MYB: variants seen among roughly 807,000 people sequenced by gnomAD.
MYB encodes transcriptional activator Myb.
In MYB, 28 loss-of-function variants were observed where a neutral mutation model predicts 92.9. The ratio of observed to expected loss-of-function variants is 0.30; its 90% CI spans 0.22 to 0.41. The LOEUF is 0.41. Ranked by LOEUF, MYB falls within the 10% of genes least tolerant of loss-of-function variation. MYB has a pLI of 1.00. For synonymous variants in MYB, 295 were observed against 329.1 expected (o/e 0.90, Z 1.12); for missense variants, 679 against 929.3 (o/e 0.73, Z 3.50).
chr6:135,194,177 C>T (rs1232822413), intron 7 of MYB, among the ~76,000 whole-genome samples, 179 bp from the exon 8 acceptor site: 1 of 152,156 alleles, frequency 6.6e-6, no homozygotes, highest in African/African-American at 2.4e-5. Flanking sequence ...TCACATCACT[C>T]CCTTAAGTCT....
chr6:135,200,669 A>C, intron 13 of MYB: 1 of 519,132 alleles, frequency 1.9e-6, no homozygotes, highest in South Asian at 2.0e-5. Context: ...AAAGGGAGGG[A>C]AAGAGGTTTT....
intron 14 of MYB, 41 bp downstream of exon 14, chr6:135,201,790 C>A: frequency 8.0e-7 from 1 of 1,256,266 alleles, no homozygotes; most frequent in Non-Finnish European, 1.1e-6. Context: ...TTATGTGACA[C>A]TGGTGCCTCA....
Position 135,190,102 on chromosome 6 carries a change from G to A in MYB, c.307-25G>A. Reference sequence around the variant, plus strand: ...CTCATTACATAACTTTAAAACATAGGTTATTTTTGTGTGTTTATCTGAAGG... The same window carrying A: ...CTCATTACATAACTTTAAAACATAGATTATTTTTGTGTGTTTATCTGAAGG... On this transcript the variant is annotated intron_variant, in intron 4 of 15. Transcript: ENST00000341911. The surrounding 1 kb of genome is among the most constrained non-coding windows in gnomAD (Gnocchi z 4.5). 1.9e-6 allele frequency: 3 copies of A among 1,603,966 alleles called. No homozygotes were observed. The highest frequency in any genetic ancestry group is 2.6e-6 in the Non-Finnish European group (3 of 1,171,390).
intron 9 of MYB, 90 bp downstream of exon 9, chr6:135,196,092 C>G: frequency 2.3e-6 from 3 of 1,297,472 alleles, no homozygotes; most frequent in African/African-American, 1.5e-5. Flanking sequence ...TATAGCCAAG[C>G]TGTTATTAGC....
chr6:135,214,782 T>C (rs547230780), intron 15 of MYB, among the ~76,000 whole-genome samples: 2 of 152,366 alleles, frequency 1.3e-5, no homozygotes, highest in Admixed American at 1.3e-4. Flanking sequence ...ATTTCATGTT[T>C]CGGGAATTTG....
chr6:135,216,918 G>A (rs1780527859), intron 15 of MYB, among the ~76,000 whole-genome samples: 1 of 152,142 alleles, frequency 6.6e-6, no homozygotes, highest in South Asian at 2.1e-4. Flanking sequence ...TCCATTTTCT[G>A]TCTCCATTCT....
In MYB at chr6:135,192,497, C is replaced by A; in HGVS notation, c.701C>A (p.Ala234Asp). 6.2e-7 allele frequency: 1 copy of A among 1,614,250 alleles called. No individual in the cohort carries two copies. The highest frequency in any genetic ancestry group is 8.5e-7 in the Non-Finnish European group (1 of 1,180,046). The part of the protein sequence containing the change: ...AQAPPTAQLP[A>D]TGQPTVNNDY... ...GCTCCGCCTACAGCTCAACTCCCTG[C>A]CACTGGCCAGCCCACTGTTAACAAC... The change falls in exon 6 of 16, where the codon GCC becomes GAC. Residue 234 changes from alanine (A) to aspartate (D), a missense_variant. By Grantham distance (126) the Ala-to-Asp change is moderately radical. Around this residue, in one of 8 missense-constraint regions of MYB, gnomAD observed 32 missense variants for 29.9 expected, o/e 1.07. Coordinates refer to ENST00000341911, the MANE Select transcript of MYB (RefSeq NM_001130173.2).
At position 135,192,472 on chromosome 6, in the gene MYB, G is replaced by A. The variant is rs374588074; in HGVS notation, c.676G>A (p.Ala226Thr). Reference protein sequence around the residue: ...KNSHLMGFAQAPPTAQLPATG... With the variant: ...KNSHLMGFAQTPPTAQLPATG... ...CAGTCATTTGATGGGTTTTGCTCAG[G>A]CTCCGCCTACAGCTCAACTCCCTGC... The change falls in exon 6 of 16, where the codon GCT (alanine) becomes ACT (threonine). Residue 226 changes from alanine (A) to threonine (T), a missense_variant. Physicochemically the swap from Ala to Thr is moderately conservative, Grantham distance 58 (BLOSUM62 0). Coordinates refer to ENST00000341911, the MANE Select transcript of MYB (RefSeq NM_001130173.2). 4 of 1,614,090 alleles carry A rather than the reference G, an allele frequency of 2.5e-6. No individual in the cohort carries two copies. Among genetic ancestry groups the A allele is most frequent in the Non-Finnish European group, 3.4e-6 (4 of 1,180,048 alleles).
chr6:135,202,834 A>G (rs892982506), intron 14 of MYB: 5 of 436,426 alleles, frequency 1.1e-5, no homozygotes, highest in African/African-American at 8.2e-5. Context: ...CCAATAATTT[A>G]TAGCTCTAAA....
intron 6 of MYB, among the ~76,000 whole-genome samples, chr6:135,193,155 T>A (rs1204466748): frequency 1.3e-5 from 2 of 152,186 alleles, no homozygotes; most frequent in South Asian, 2.1e-4. Flanking sequence ...TGGATCAGTG[T>A]GATCCCTTCC....
In MYB at chr6:135,203,250, G is replaced by A. The variant is rs781145531; in HGVS notation, c.2095G>A (p.Ala699Thr). Residue 699 changes from alanine (A) to threonine (T), a missense_variant, in exon 15 of 16, where the codon GCA (alanine) becomes ACA (threonine). Ala to Thr is a moderately conservative substitution (Grantham distance 58). This residue lies in a region of MYB where 402 missense variants were observed against 434.2 expected (regional missense o/e 0.93). Transcript: ENST00000341911. ...TACAAGCTCCGTTTTAATGGCACCA[G>A]CATCAGAAGATGAAGACAATGTTCT... ...ILTSSVLMAP[A>T]SEDEDNVLKA... is the part of the protein sequence containing the mutation. The A allele has an allele frequency of 6.2e-6, 10 of 1,610,644 alleles. No individual in the cohort carries two copies. The East Asian group carries it at 1.1e-4, about 18-fold the overall frequency.
At chr6:135,199,090 T>G in intron 11 of MYB, 40 bp downstream of exon 11, 1 of 1,466,582 alleles carries the variant, frequency 6.8e-7, no homozygotes, top group Non-Finnish European at 9.2e-7. Flanking sequence ...TTATCTTATT[T>G]ACTTATATTT....
At chr6:135,217,822 T>C in intron 15 of MYB, 42 bp from the exon 16 acceptor site, 1 of 1,398,766 alleles carries the variant, frequency 7.1e-7, no homozygotes, top group Non-Finnish European at 1.0e-6. Context: ...TAGAATGAGC[T>C]TCTTTGTCTG....
At position 135,181,986 on chromosome 6, in the gene MYB, G is replaced by C. The variant is rs535996629; in HGVS notation, c.23+450G>C. Among the ~76,000 whole-genome samples the C allele has an allele frequency of 2.6e-5, 4 of 152,316 alleles. No individual in the cohort carries two copies. The East Asian group carries it at 7.7e-4, about 29-fold the overall frequency. On this transcript the variant is annotated intron_variant, in intron 1 of 15. Transcript: ENST00000341911. This position sits in a 1 kb window ranked among gnomAD's most constrained non-coding sequence, Gnocchi z 5.3. ...TATGGCAGATACAGGGAAAATGCTG[G>C]ATTGTTTAGTAGCTGCAGGTAGTTC...
Position 135,197,072 on chromosome 6 carries a change from A to G in MYB, c.1315A>G (p.Asn439Asp). ...CCTACAGCTTCAGCAAAGAGAGGGCAATGGGACTAAACCTGCAGGAGAACC... is the reference window on the plus strand; with the variant it reads ...CCTACAGCTTCAGCAAAGAGAGGGCGATGGGACTAAACCTGCAGGAGAACC... ...KALQLQQREG[N>D]GTKPAGEPSP... Residue 439 changes from asparagine to aspartate, a missense_variant, in exon 10 of 16, where the codon AAT (asparagine) becomes GAT (aspartate). Asn to Asp is a conservative substitution (Grantham distance 23). Around this residue, in one of 8 missense-constraint regions of MYB, gnomAD observed 402 missense variants for 434.2 expected, o/e 0.93. Coordinates refer to ENST00000341911, the MANE Select transcript of MYB (RefSeq NM_001130173.2). The G allele has an allele frequency of 6.2e-7, 1 of 1,614,054 alleles. No homozygotes were observed. Among genetic ancestry groups the G allele is most frequent in the Non-Finnish European group, 8.5e-7 (1 of 1,179,898 alleles).
chr6:135,183,464 C>G (rs1775454314), intron 1 of MYB, among the ~76,000 whole-genome samples: 4 of 152,216 alleles, frequency 2.6e-5, no homozygotes. Context: ...TGTAACCACA[C>G]CGGGTCTAGC....
At chr6:135,199,323 C>G (rs1017427941) in intron 11 of MYB, among the ~76,000 whole-genome samples, 1 of 152,092 alleles carries the variant, frequency 6.6e-6, no homozygotes, top group Non-Finnish European at 1.5e-5. Context: ...CTTTTCCATT[C>G]GGTTTGTTTG....
chr6:135,192,308 A>G lies in MYB; in HGVS notation c.528-16A>G. The stretch of plus-strand genomic sequence containing the variant: ...AATTTTTGTTTGTGAAATTTGTGTG[A>G]TATATTTCTGTGCAGAACTGATAAT... On this transcript the variant is annotated splice_polypyrimidine_tract_variant and intron_variant, in intron 5 of 15. Coordinates refer to ENST00000341911, the MANE Select transcript of MYB (RefSeq NM_001130173.2). The G allele has an allele frequency of 6.3e-7, 1 of 1,597,442 alleles. No homozygotes were observed. The highest frequency in any genetic ancestry group is 8.6e-7 in the Non-Finnish European group (1 of 1,164,776).
chr6:135,194,815 T>C, intron 8 of MYB: 2 of 998,766 alleles, frequency 2.0e-6, no homozygotes, highest in East Asian at 3.4e-5. Context: ...TTGGTTTTTT[T>C]CTATTATTTT....
Sources: gnomAD v4.1 joint callset for allele counts (sites outside exome capture counted in the v4.1 genomes callset) on GRCh38, gnomAD v4.1.1 for gene constraint, gnomAD v4.1.1 regional missense constraint, Gnocchi (gnomAD v3.1) non-coding constraint, MANE v1.5 for transcripts, NCBI Gene and HGNC (gene_info 2026-07-23, HGNC 2026-07-21) for gene names.